Variants in RCAN2 observed in about 807,000 individuals in gnomAD.
RCAN2 encodes the protein regulator of calcineurin 2, also known as calcipressin-2.
In RCAN2, 9 loss-of-function variants were observed where a neutral mutation model predicts 23.6. The ratio of observed to expected loss-of-function variants is 0.38; its 90% CI spans 0.23 to 0.67. The LOEUF is 0.67. Ranked by LOEUF, RCAN2 falls within the 30% of genes least tolerant of loss-of-function variation. The pLI is 0.51. For missense variants in RCAN2, 273 were observed against 302.3 expected (o/e 0.90, Z 0.72); for synonymous variants, 109 against 115.7 (o/e 0.94, Z 0.37).
At chr6:46,332,969 C>A (rs148040058) in intron 2 of RCAN2, among the ~76,000 whole-genome samples, 1 of 152,092 alleles carries the variant, frequency 6.6e-6, no homozygotes, top group African/African-American at 2.4e-5. Context: ...CTCCAGCACA[C>A]GTTGTTTCCT....
At chr6:46,409,437 T>C (rs1766490734) in intron 2 of RCAN2, among the ~76,000 whole-genome samples, 1 of 152,234 alleles carries the variant, frequency 6.6e-6, no homozygotes, top group Non-Finnish European at 1.5e-5. Flanking sequence ...CAATTGACTT[T>C]TGTGGGATCA....
upstream of RCAN2, among the ~76,000 whole-genome samples, chr6:46,491,564 T>A (rs1051109364): frequency 6.6e-6 from 1 of 151,996 alleles, no homozygotes; most frequent in Non-Finnish European, 1.5e-5. Context: ...AGCCCCTGTC[T>A]GGCCTCTTCT....
chr6:46,223,170 G>A lies in RCAN2; in HGVS notation c.703C>T (p.Pro235Ser). 2 of 1,613,652 alleles carry A rather than the reference G, an allele frequency of 1.2e-6. No individual in the cohort carries two copies. The highest frequency in any genetic ancestry group is 1.7e-6 in the Non-Finnish European group (2 of 1,179,952). Reference protein sequence around the residue: ...PKPKIIQTRRPGLPPSVSN With the variant: ...PKPKIIQTRRSGLPPSVSN Reference sequence around the variant, plus strand: ...TTGGACACGGAGGGTGGCAGGCCAGGACGCCGAGTTTGGATGATTTTTGGC... The same window carrying A: ...TTGGACACGGAGGGTGGCAGGCCAGAACGCCGAGTTTGGATGATTTTTGGC... Residue 235 changes from proline (P) to serine (S), a missense_variant, in exon 5 of 5, where the codon CCT becomes TCT. Transcript: ENST00000371374.
intron 2 of RCAN2, among the ~76,000 whole-genome samples, chr6:46,347,784 T>C (rs74951068): frequency 0.015 from 2,318 of 152,218 alleles, 59 homozygotes; most frequent in African/African-American, 0.049. Context: ...AAACAGTCAT[T>C]GTTCAAAGTG....
intron 1 of RCAN2, among the ~76,000 whole-genome samples, chr6:46,473,532 C>T (rs1768628326): frequency 6.6e-6 from 1 of 152,074 alleles, no homozygotes; most frequent in South Asian, 2.1e-4. Context: ...TCTTTCATTA[C>T]CATCAGGAAC....
At chr6:46,449,186 G>T (rs1188835452) in intron 2 of RCAN2, among the ~76,000 whole-genome samples, 1 of 151,238 alleles carries the variant, frequency 6.6e-6, no homozygotes, top group Non-Finnish European at 1.5e-5. Context: ...TACTAACAAG[G>T]AACTATCTGA....
chr6:46,296,376 G>GGTGACAT (rs1453602331), intron 2 of RCAN2, among the ~76,000 whole-genome samples: 1 of 151,920 alleles, frequency 6.6e-6, no homozygotes, highest in Non-Finnish European at 1.5e-5. Flanking sequence ...GACCTTCCCT[G>GGTGACAT]GTGACATATT....
At chr6:46,341,850 C>G (rs1264677234) in intron 2 of RCAN2, among the ~76,000 whole-genome samples, 1 of 152,082 alleles carries the variant, frequency 6.6e-6, no homozygotes, top group Non-Finnish European at 1.5e-5. Flanking sequence ...TTTTTATTTA[C>G]TCTTCCTTTT....
intron 2 of RCAN2, among the ~76,000 whole-genome samples, chr6:46,415,881 C>G (rs188746046): frequency 3.3e-4 from 50 of 152,248 alleles, no homozygotes; most frequent in African/African-American, 1.2e-3. Context: ...TCCATGGATA[C>G]TTGAGTCTGT....
Position 46,475,049 on chromosome 6 carries a change from A to G in RCAN2, c.-3+16124T>C, listed in dbSNP as rs564294770. Reference sequence around the variant, plus strand: ...TGAAATTTTTCAATTTTTAAGAAATACTGGATTAAAATGAGTTTTTTTATT... The same window carrying G: ...TGAAATTTTTCAATTTTTAAGAAATGCTGGATTAAAATGAGTTTTTTTATT... On this transcript the variant is annotated intron_variant, in intron 1 of 4. Coordinates refer to ENST00000371374, the MANE Select transcript of RCAN2 (RefSeq NM_001251974.2). Among the ~76,000 whole-genome samples, 32 of 152,326 alleles carry G rather than the reference A, an allele frequency of 2.1e-4. No homozygotes were observed. In the South Asian group the frequency reaches 6.2e-3, roughly 30 times the overall value.
At chr6:46,280,847 C>T (rs1020606478) in intron 2 of RCAN2, among the ~76,000 whole-genome samples, 7 of 152,038 alleles carry the variant, frequency 4.6e-5, no homozygotes, top group African/African-American at 1.4e-4. Context: ...TGTGGACACA[C>T]ATGCATGTGC....
intron 2 of RCAN2, among the ~76,000 whole-genome samples, chr6:46,385,368 T>G (rs1006349754): frequency 1.3e-5 from 2 of 152,166 alleles, no homozygotes; most frequent in Non-Finnish European, 2.9e-5. Context: ...TCTATCACTA[T>G]AAATACTATT....
At chr6:46,307,347 A>T (rs1460866557) in intron 2 of RCAN2, among the ~76,000 whole-genome samples, 1 of 152,164 alleles carries the variant, frequency 6.6e-6, no homozygotes, top group Non-Finnish European at 1.5e-5. Context: ...TATGTGCCTC[A>T]AAGATCAGCT....
intron 2 of RCAN2, among the ~76,000 whole-genome samples, chr6:46,388,173 A>G (rs996188237): frequency 2.6e-5 from 4 of 152,168 alleles, no homozygotes; most frequent in Admixed American, 6.5e-5. Context: ...TAATGGGTGT[A>G]GCACACCAAC....
intron 1 of RCAN2, among the ~76,000 whole-genome samples, chr6:46,461,973 CT>C (rs558443637): frequency 6.6e-6 from 1 of 152,330 alleles, no homozygotes; most frequent in Non-Finnish European, 1.5e-5. Context: ...GAAGGCCCCC[CT>C]CTGCCAATAA....
intron 2 of RCAN2, among the ~76,000 whole-genome samples, chr6:46,371,088 G>A (rs1466109642): frequency 1.3e-5 from 2 of 152,140 alleles, no homozygotes; most frequent in Non-Finnish European, 2.9e-5. Flanking sequence ...CGAGGGAGAG[G>A]ACCCATAGCT....
At chr6:46,473,940 T>C (rs1050373158) in intron 1 of RCAN2, among the ~76,000 whole-genome samples, 13 of 152,194 alleles carry the variant, frequency 8.5e-5, no homozygotes, top group East Asian at 1.9e-4. Flanking sequence ...GAGAAGCTAC[T>C]ATGTGCAAAC....
Position 46,423,825 on chromosome 6 carries a change from T to C in RCAN2, c.225+32927A>G, listed in dbSNP as rs140655719. Among the ~76,000 whole-genome samples the C allele has an allele frequency of 1.9e-3, 289 of 152,332 alleles. 1 individual carries two copies. The highest frequency in any genetic ancestry group is 6.6e-3 in the African/African-American group (274 of 41,590). On this transcript the variant is annotated intron_variant, in intron 2 of 4. Coordinates refer to ENST00000371374, the MANE Select transcript of RCAN2 (RefSeq NM_001251974.2). ...GATGCAGTAAGAACTACATTGAGTATACCACATACCACGGTCCAGGTACTT... is the reference window on the plus strand; with the variant it reads ...GATGCAGTAAGAACTACATTGAGTACACCACATACCACGGTCCAGGTACTT...
intron 2 of RCAN2, among the ~76,000 whole-genome samples, chr6:46,259,514 C>T (rs994197774): frequency 7.0e-4 from 106 of 152,222 alleles, no homozygotes; most frequent in African/African-American, 2.5e-3. Context: ...AGAAAGAAAA[C>T]CAAAACATTG....
Sources: gnomAD v4.1 joint callset for allele counts (sites outside exome capture counted in the v4.1 genomes callset) on GRCh38, gnomAD v4.1.1 for gene constraint, MANE v1.5 for transcripts, NCBI Gene and HGNC (gene_info 2026-07-23, HGNC 2026-07-21) for gene names.